GSK3B: variants seen among roughly 807,000 people sequenced by gnomAD.
The protein encoded by GSK3B is glycogen synthase kinase 3 beta.
A neutral mutation model predicts 56.4 loss-of-function variants in GSK3B; 15 were observed. That is an observed-to-expected ratio of 0.27 (90% CI 0.18 to 0.41). The LOEUF (loss-of-function observed/expected upper bound fraction) is 0.41. Among genes scored for constraint, GSK3B ranks in the 10% least tolerant of loss-of-function variants. GSK3B has a pLI of 1.00. For missense variants in GSK3B, 300 were observed against 513.4 expected (o/e 0.58, Z 4.02); for synonymous variants, 181 against 188.9 (o/e 0.96, Z 0.34).
At chr3:119,998,743 G>A (rs1346292691) in intron 2 of GSK3B, among the ~76,000 whole-genome samples, 35 of 152,162 alleles carry the variant, frequency 2.3e-4, no homozygotes, top group Admixed American at 2.3e-3. Flanking sequence ...GTTTAGGCCA[G>A]GAGCTCAAGA....
intron 1 of GSK3B, among the ~76,000 whole-genome samples, 196 bp from the exon 2 acceptor site, chr3:120,002,435 T>A (rs1209399123): frequency 1.3e-5 from 2 of 151,526 alleles, no homozygotes; most frequent in Non-Finnish European, 2.9e-5. Context: ...GTCTGCCGGG[T>A]TCAATCAATT....
chr3:119,918,989 C>T (rs969399136), intron 4 of GSK3B, among the ~76,000 whole-genome samples: 5 of 152,148 alleles, frequency 3.3e-5, no homozygotes, highest in Non-Finnish European at 7.4e-5. Context: ...TCAAAAAATG[C>T]ATCCAACTCT....
chr3:119,916,304 T>A (rs2056780136), intron 4 of GSK3B, 130 bp from the exon 5 acceptor site: 1 of 677,978 alleles, frequency 1.5e-6, no homozygotes, highest in Non-Finnish European at 2.4e-6. Flanking sequence ...GCACTCAATC[T>A]TCCTTTCACA....
intron 2 of GSK3B, among the ~76,000 whole-genome samples, chr3:119,964,980 CAGCAAACAAATCAAA>C (rs948059312): frequency 3.3e-5 from 5 of 150,946 alleles, no homozygotes; most frequent in African/African-American, 1.2e-4. Context: ...ATTTTTAACA[CAGCAAACAAATCAAA>C]AGCAAAATAA....
chr3:120,016,621 T>G (rs1033339975), intron 1 of GSK3B, among the ~76,000 whole-genome samples: 2 of 152,196 alleles, frequency 1.3e-5, no homozygotes. Context: ...TTACAAAAGG[T>G]GCTGAGGCCA....
At chr3:120,063,713 GCGAGACTCTGT>G (rs2058256563) in intron 1 of GSK3B, among the ~76,000 whole-genome samples, 1 of 138,082 alleles carries the variant, frequency 7.2e-6, no homozygotes, top group Non-Finnish European at 1.5e-5. Context: ...GGGTGACAGA[GCGAGACTCTGT>G]CTCAAAAAAA....
chr3:119,883,445 TAAAA>T (rs3061104), intron 7 of GSK3B, among the ~76,000 whole-genome samples: 13,865 of 151,816 alleles, frequency 0.091, 775 homozygotes, highest in Non-Finnish European at 0.12. Flanking sequence ...AAAAAATTAT[TAAAA>T]AAAAGAGGAA....
chr3:119,971,891 G>A (rs894903494), intron 2 of GSK3B, among the ~76,000 whole-genome samples: 7 of 152,014 alleles, frequency 4.6e-5, no homozygotes, highest in Non-Finnish European at 8.8e-5. Flanking sequence ...GATTACAGGC[G>A]TGAGCCACCG....
At chr3:120,092,646 G>C (rs950736498) in intron 1 of GSK3B, among the ~76,000 whole-genome samples, 1 of 152,144 alleles carries the variant, frequency 6.6e-6, no homozygotes, top group Non-Finnish European at 1.5e-5. Flanking sequence ...TGTCAAAACA[G>C]GAAGGTTAAG....
chr3:119,962,408 A>C (rs2057281381), intron 2 of GSK3B, among the ~76,000 whole-genome samples: 1 of 151,786 alleles, frequency 6.6e-6, no homozygotes, highest in Non-Finnish European at 1.5e-5. Context: ...AAAAAAACAA[A>C]AAAAGCCTAT....
At chr3:120,012,644 C>A (rs547808822) in intron 1 of GSK3B, among the ~76,000 whole-genome samples, 8 of 152,248 alleles carry the variant, frequency 5.3e-5, no homozygotes, top group Non-Finnish European at 1.0e-4. Context: ...TACAACAGAA[C>A]AATCACTTTC....
intron 1 of GSK3B, among the ~76,000 whole-genome samples, chr3:120,065,237 A>T (rs1262089124): frequency 6.6e-6 from 1 of 152,204 alleles, no homozygotes. Flanking sequence ...AAGTATCAAG[A>T]ATATATAAAG....
chr3:119,951,089 G>C (rs574477743), intron 2 of GSK3B, among the ~76,000 whole-genome samples: 1 of 152,128 alleles, frequency 6.6e-6, no homozygotes, highest in Non-Finnish European at 1.5e-5. Context: ...TGTAATAAGG[G>C]GATACTGGAA....
rs960891123 is a variant in GSK3B at position 119,924,657 on chromosome 3, T to C, written c.367-1174A>G. 1.2e-4 allele frequency among the ~76,000 whole-genome samples: 18 copies of C among 152,232 alleles called. No individual in the cohort carries two copies. The East Asian group carries it at 2.7e-3, about 23-fold the overall frequency. On this transcript the variant is annotated intron_variant, in intron 3 of 10. Coordinates refer to ENST00000264235, the MANE Select transcript of GSK3B (RefSeq NM_001146156.2). ...CTTCTCTCTACACTTCACGCACTTA[T>C]GTTCTCCTCTCTTCCCTTCTTAGCC...
intron 1 of GSK3B, among the ~76,000 whole-genome samples, chr3:120,059,092 T>A (rs1395319843): frequency 6.6e-6 from 1 of 151,680 alleles, no homozygotes; most frequent in Non-Finnish European, 1.5e-5. Context: ...AAGACATACA[T>A]ACATACATAC....
At chr3:120,073,286 G>A (rs2058343193) in intron 1 of GSK3B, among the ~76,000 whole-genome samples, 1 of 148,238 alleles carries the variant, frequency 6.7e-6, no homozygotes, top group East Asian at 2.0e-4. Context: ...CTAATTGAAA[G>A]GCTGATGCAA....
In GSK3B at chr3:119,964,110, G is replaced by A. The variant is rs530016763; in HGVS notation, c.283-16759C>T. On this transcript the variant is annotated intron_variant, in intron 2 of 10. Coordinates refer to ENST00000264235, the MANE Select transcript of GSK3B (RefSeq NM_001146156.2). ...GAAAATATTTGCAAACCAAATGTCT[G>A]ACAAGGAGTTAATTTCAGAAAATAT... Among the ~76,000 whole-genome samples the A allele has an allele frequency of 5.3e-5, 8 of 152,278 alleles. No homozygotes were observed. The South Asian group carries it at 1.7e-3, about 32-fold the overall frequency.
chr3:119,950,289 T>C (rs10934502), intron 2 of GSK3B, among the ~76,000 whole-genome samples: 36,877 of 152,038 alleles, frequency 0.24, 4,935 homozygotes, highest in East Asian at 0.49. Flanking sequence ...TTTAGAAATA[T>C]CTACATTTTA....
chr3:119,990,431 T>C (rs1258249971), intron 2 of GSK3B, among the ~76,000 whole-genome samples: 5 of 152,254 alleles, frequency 3.3e-5, no homozygotes, highest in Non-Finnish European at 5.9e-5. Flanking sequence ...AACTTGTCTT[T>C]AACTGCCAGC....
Sources: allele counts gnomAD v4.1 joint callset (sites outside exome capture counted in the v4.1 genomes callset), GRCh38; gene constraint gnomAD v4.1.1; transcripts MANE v1.5; gene names NCBI Gene and HGNC (gene_info 2026-07-23, HGNC 2026-07-21).